Variants in USP34 observed in about 807,000 individuals in gnomAD.
The protein encoded by USP34 is ubiquitin specific peptidase 34, also known as ubiquitin carboxyl-terminal hydrolase 34.
A neutral mutation model predicts 460.3 loss-of-function variants in USP34; 70 were observed. The observed-to-expected ratio is 0.15, with a 90% CI of 0.13 to 0.19. USP34 has a LOEUF of 0.19. Ranked by LOEUF, USP34 falls within the 10% of genes least tolerant of loss-of-function variation. The probability of loss-of-function intolerance (pLI) is 1.00; values close to 1 mark genes in which losing one functional copy is unlikely to be tolerated. For missense variants in USP34, 3,985 were observed against 4,236.2 expected (o/e 0.94, Z 1.65); for synonymous variants, 1,647 against 1,405.3 (o/e 1.17, Z -3.85).
chr2:61,410,001 T>C (rs777804460), intron 2 of USP34, among the ~76,000 whole-genome samples: 5 of 152,242 alleles, frequency 3.3e-5, no homozygotes, highest in African/African-American at 7.2e-5. Context: ...TCTAGGTATA[T>C]GAATTCTCAA....
intron 43 of USP34, 75 bp from the exon 44 acceptor site, chr2:61,259,851 C>T: frequency 7.3e-7 from 1 of 1,373,306 alleles, no homozygotes; most frequent in Admixed American, 1.8e-5. Context: ...CAAAGAAAGT[C>T]TTGCAATGTA....
intron 48 of USP34, among the ~76,000 whole-genome samples, chr2:61,253,481 A>C (rs772355675): frequency 6.6e-6 from 1 of 152,192 alleles, no homozygotes; most frequent in Non-Finnish European, 1.5e-5. Context: ...AATTGCCTAC[A>C]TAGCTACGCT....
At chr2:61,376,568 C>A (rs1471328430) in intron 8 of USP34, among the ~76,000 whole-genome samples, 1 of 152,188 alleles carries the variant, frequency 6.6e-6, no homozygotes, top group East Asian at 1.9e-4. Flanking sequence ...ATAAGGTTCT[C>A]TTTAAGCGGT....
At chr2:61,211,612 C>A (rs1355903007) in intron 69 of USP34, among the ~76,000 whole-genome samples, 160 bp downstream of exon 69, 1 of 152,104 alleles carries the variant, frequency 6.6e-6, no homozygotes, top group Non-Finnish European at 1.5e-5. Context: ...CAAAGCCAGA[C>A]CAAAAACTGT....
intron 65 of USP34, 147 bp downstream of exon 65, chr2:61,222,472 T>A (rs774559065): frequency 5.4e-5 from 32 of 596,558 alleles, no homozygotes; most frequent in Non-Finnish European, 9.4e-5. Flanking sequence ...GTAGTTCATT[T>A]TATTCACATT....
chr2:61,361,952 C>G (rs994648080), intron 10 of USP34, among the ~76,000 whole-genome samples: 2 of 151,888 alleles, frequency 1.3e-5, no homozygotes, highest in Admixed American at 1.3e-4. Context: ...GAAACTCATA[C>G]AACTCAATAG....
At chr2:61,285,688 A>C (rs1013805306) in intron 34 of USP34, among the ~76,000 whole-genome samples, 2 of 152,084 alleles carry the variant, frequency 1.3e-5, no homozygotes, top group African/African-American at 4.8e-5. Context: ...ACTTTTGAAG[A>C]AAATATATTT....
intron 5 of USP34, among the ~76,000 whole-genome samples, chr2:61,387,928 T>TATACACACACAC (rs1553381118): frequency 6.3e-5 from 9 of 142,606 alleles, no homozygotes; most frequent in Non-Finnish European, 1.4e-4. Context: ...AATATATTTA[T>TATACACACACAC]ACACACACAC....
At chr2:61,202,393 T>G (rs1687001024) in intron 75 of USP34, among the ~76,000 whole-genome samples, 1 of 151,882 alleles carries the variant, frequency 6.6e-6, no homozygotes, top group African/African-American at 2.4e-5. Context: ...CCTAATGAAG[T>G]CAAGAGGGAG....
intron 29 of USP34, among the ~76,000 whole-genome samples, 200 bp from the exon 30 acceptor site, chr2:61,297,125 T>C (rs1430770716): frequency 6.6e-6 from 1 of 152,268 alleles, no homozygotes; most frequent in Non-Finnish European, 1.5e-5. Flanking sequence ...AACTTCTTAC[T>C]GAACATTTTT....
At chr2:61,438,283 C>G (rs530403095) in intron 1 of USP34, among the ~76,000 whole-genome samples, 1 of 152,142 alleles carries the variant, frequency 6.6e-6, no homozygotes, top group East Asian at 1.9e-4. Context: ...TCGGAAAAAG[C>G]ATTTGATAAA....
At chr2:61,242,801 T>C (rs1688306090) in intron 51 of USP34, among the ~76,000 whole-genome samples, 1 of 152,114 alleles carries the variant, frequency 6.6e-6, no homozygotes, top group Non-Finnish European at 1.5e-5. Context: ...TTATGGGCAA[T>C]GAAATCAGAA....
chr2:61,251,875 C>T (rs935861), intron 48 of USP34, among the ~76,000 whole-genome samples: 86,050 of 151,700 alleles, frequency 0.57, 25,339 homozygotes, highest in African/African-American at 0.73. Context: ...TTAGAAAGGC[C>T]GCCCCCTTGA....
At chr2:61,307,534 GTT>G (rs1365459233) in intron 27 of USP34, among the ~76,000 whole-genome samples, 1 of 151,226 alleles carries the variant, frequency 6.6e-6, no homozygotes, top group Non-Finnish European at 1.5e-5. Flanking sequence ...ATAAATAAGA[GTT>G]TATAAGACTT....
At chr2:61,394,541 AAAAAAAAAAAAAAAAAAT>A (rs1693456471) in intron 5 of USP34, among the ~76,000 whole-genome samples, 2 of 62,600 alleles carry the variant, frequency 3.2e-5, no homozygotes, top group South Asian at 5.3e-4. Context: ...CTCAAAAAAA[AAAAAAAAAAAAAAAAAAT>A]AAGTTAAAAA....
At chr2:61,382,653 C>T (rs948938746) in intron 6 of USP34, among the ~76,000 whole-genome samples, 5 of 152,156 alleles carry the variant, frequency 3.3e-5, no homozygotes, top group South Asian at 2.1e-4. Context: ...TAAATGTTAT[C>T]AAGAAATAAA....
intron 18 of USP34, among the ~76,000 whole-genome samples, chr2:61,335,969 C>T (rs113913256): frequency 2.2e-4 from 33 of 152,192 alleles, no homozygotes; most frequent in African/African-American, 8.0e-4. Flanking sequence ...GTCTTCACAG[C>T]TGAAGTTACA....
intron 1 of USP34, among the ~76,000 whole-genome samples, chr2:61,436,942 C>T (rs1241943033): frequency 6.6e-6 from 1 of 152,120 alleles, no homozygotes; most frequent in Admixed American, 6.6e-5. Flanking sequence ...CCTGAATGAC[C>T]ACTGGGTCAA....
intron 51 of USP34, among the ~76,000 whole-genome samples, chr2:61,242,371 A>C (rs2103860006): frequency 6.6e-6 from 1 of 152,148 alleles, no homozygotes; most frequent in East Asian, 1.9e-4. Flanking sequence ...ACACACTTTA[A>C]GCAATCCAAC....
Sources: allele counts gnomAD v4.1 joint callset (sites outside exome capture counted in the v4.1 genomes callset), GRCh38; gene constraint gnomAD v4.1.1; transcripts MANE v1.5; gene names NCBI Gene and HGNC (gene_info 2026-07-23, HGNC 2026-07-21).